OTOG: variants seen among roughly 807,000 people sequenced by gnomAD.
OTOG encodes otogelin.
In OTOG, 296 loss-of-function variants were observed where a neutral mutation model predicts 313.8. The observed-to-expected ratio is 0.94, with a 90% CI of 0.86 to 1.04. OTOG has a LOEUF of 1.04. Ranked by LOEUF, OTOG falls within the 50% of genes least tolerant of loss-of-function variation. The probability of loss-of-function intolerance (pLI) is 0.00; values close to 1 mark genes in which losing one functional copy is unlikely to be tolerated. For synonymous variants in OTOG, 1,533 were observed against 1,554.9 expected, an observed-to-expected ratio of 0.99 and a Z score of 0.33; for missense variants, 3,948 against 3,840.1, an observed-to-expected ratio of 1.03 and a Z score of -0.74.
intron 28 of OTOG, among the ~76,000 whole-genome samples, chr11:17,595,452 A>G (rs1853071396): frequency 6.6e-6 from 1 of 152,200 alleles, no homozygotes; most frequent in Non-Finnish European, 1.5e-5. Context: ...ACACACATGT[A>G]TTATTTCAGT....
At chr11:17,598,063 G>C (rs1853156497) in intron 30 of OTOG, among the ~76,000 whole-genome samples, 1 of 152,210 alleles carries the variant, frequency 6.6e-6, no homozygotes. Flanking sequence ...CCTGAGGCCT[G>C]CAGGCAAGAC....
intron 39 of OTOG, among the ~76,000 whole-genome samples, chr11:17,626,343 T>C (rs1415314323): frequency 1.3e-5 from 2 of 152,144 alleles, no homozygotes; most frequent in Admixed American, 6.5e-5. Context: ...ACCTGGCTAA[T>C]TTTTGTGTTT....
intron 39 of OTOG, among the ~76,000 whole-genome samples, chr11:17,622,112 G>A (rs569038591): frequency 9.2e-5 from 14 of 152,308 alleles, no homozygotes; most frequent in African/African-American, 3.1e-4. Flanking sequence ...GGCTAGGAGA[G>A]CCAGGGGCTT....
At chr11:17,629,933 C>T (rs1208152194) in intron 40 of OTOG, among the ~76,000 whole-genome samples, 1 of 152,114 alleles carries the variant, frequency 6.6e-6, no homozygotes, top group East Asian at 1.9e-4. Context: ...CACTCCGTGA[C>T]AGACTACCAT....
At chr11:17,552,105 G>T (rs1485850103) in intron 4 of OTOG, 30 bp downstream of exon 4, 26 of 1,545,178 alleles carry the variant, frequency 1.7e-5, no homozygotes, top group Non-Finnish European at 2.1e-5. Flanking sequence ...TGGTCCATGG[G>T]TTGTGCATGG....
At chr11:17,599,765 C>G in intron 31 of OTOG, 68 bp downstream of exon 31, 1 of 1,501,686 alleles carries the variant, frequency 6.7e-7, no homozygotes, top group East Asian at 2.5e-5. Context: ...TGACGCCACA[C>G]AGCATCAGCC....
At chr11:17,621,343 T>C (rs1365568729) in intron 39 of OTOG, among the ~76,000 whole-genome samples, 1 of 152,170 alleles carries the variant, frequency 6.6e-6, no homozygotes, top group Non-Finnish European at 1.5e-5. Flanking sequence ...TTATTCTTTA[T>C]CCTACATACC....
chr11:17,639,880 G>A lies in OTOG; in HGVS notation c.7935+417G>A, dbSNP rs1259724974. 9.5e-5 allele frequency among the ~76,000 whole-genome samples: 14 copies of A among 146,746 alleles called. 1 individual carries two copies. Among genetic ancestry groups the A allele is most frequent in the Admixed American group, 8.0e-4 (12 of 14,948 alleles). On this transcript the variant is annotated intron_variant, in intron 49 of 55. Transcript: ENST00000399397. ...GTGATAATGCAATGGTGATGGTGGT[G>A]GTGATGGTGAGGATGATGGTGGTGG...
At chr11:17,591,404 T>C in intron 24 of OTOG, 46 bp from the exon 25 acceptor site, 1 of 1,547,368 alleles carries the variant, frequency 6.5e-7, no homozygotes, top group Non-Finnish European at 8.7e-7. Flanking sequence ...TATTCAGGTA[T>C]GGGGTGGGTG....
chr11:17,560,705 C>G lies in OTOG; in HGVS notation c.1343-4C>G. 1 of 1,549,108 alleles carries G rather than the reference C, an allele frequency of 6.5e-7. No individual in the cohort carries two copies. The highest frequency in any genetic ancestry group is 8.7e-7 in the Non-Finnish European group (1 of 1,145,684). On this transcript the variant is annotated splice_region_variant and splice_polypyrimidine_tract_variant and intron_variant, in intron 12 of 55. Transcript: ENST00000399397. Reference sequence around the variant, plus strand: ...AGTTAATTGGCCCTTTGCTGTCACTCTAGGGCTCATCTTCGAGGATGGGGG... The same window carrying G: ...AGTTAATTGGCCCTTTGCTGTCACTGTAGGGCTCATCTTCGAGGATGGGGG...
At position 17,569,291 on chromosome 11, in the gene OTOG, A is replaced by G. The variant is rs766355490; in HGVS notation, c.1777+3A>G. The G allele has an allele frequency of 2.6e-5, 40 of 1,550,442 alleles. No individual in the cohort carries two copies. The highest frequency in any genetic ancestry group is 3.4e-5 in the Non-Finnish European group (39 of 1,146,978). On this transcript the variant is annotated splice_donor_region_variant and intron_variant, in intron 16 of 55. Transcript: ENST00000399397. ...GATCATCCCGCCATACACAGATGGT[A>G]CGGTTTGGGGTGGACAACAGACCTA...
In OTOG at chr11:17,631,883, C is replaced by G. The variant is rs1424572510; in HGVS notation, c.6894C>G (p.Arg2298=). 6.5e-7 allele frequency: 1 copy of G among 1,550,372 alleles called. No individual in the cohort carries two copies. Among genetic ancestry groups the G allele is most frequent in the African/African-American group, 1.4e-5 (1 of 73,076 alleles). Residue 2298 remains arginine (R), a synonymous_variant, in exon 41 of 56, where the codon CGC becomes CGG. Transcript: ENST00000399397. ...CATTDCSPCL[R]MVSNRTFSAC... ...CAACTGACTGCTCGCCCTGCCTTCG[C>G]ATGGTGTCCAACCGCACCTTCAGTG...
In OTOG at chr11:17,570,265, C is replaced by T. The variant is rs1354880626; in HGVS notation, c.1830C>T (p.Asn610=). ...LSSVFLRVRT[N]VGVRVLYDRE... ...CCGTGTTCCTGCGGGTGAGGACGAA[C>T]GTGGGCGTGCGGGTGCTCTACGACC... is the stretch of plus-strand genomic sequence containing the variant. Residue 610 remains asparagine, a synonymous_variant, in exon 17 of 56, where the codon AAC becomes AAT. Coordinates refer to ENST00000399397, the MANE Select transcript of OTOG (RefSeq NM_001292063.2). 5 of 1,550,712 alleles carry T rather than the reference C, an allele frequency of 3.2e-6. No homozygotes were observed. Among genetic ancestry groups the T allele is most frequent in the East Asian group, 2.4e-5 (1 of 40,926 alleles).
chr11:17,595,699 G>A (rs1411950835), intron 28 of OTOG, among the ~76,000 whole-genome samples: 1 of 152,184 alleles, frequency 6.6e-6, no homozygotes, highest in East Asian at 1.9e-4. Flanking sequence ...TCAGCTCCAA[G>A]AGACCACTGA....
chr11:17,621,683 G>C (rs992713247), intron 39 of OTOG, among the ~76,000 whole-genome samples: 1 of 151,960 alleles, frequency 6.6e-6, no homozygotes, highest in African/African-American at 2.4e-5. Context: ...TAAACTCTAG[G>C]AAACCACCAG....
intron 16 of OTOG, 129 bp downstream of exon 16, chr11:17,569,417 T>C: frequency 7.7e-7 from 1 of 1,300,308 alleles, no homozygotes; most frequent in Non-Finnish European, 1.0e-6. Context: ...TAGATCAGGA[T>C]AGGGGACACT....
chr11:17,552,117 A>G, intron 4 of OTOG, 42 bp downstream of exon 4: 1 of 1,535,192 alleles, frequency 6.5e-7, no homozygotes, highest in Admixed American at 2.0e-5. Flanking sequence ...TGTGCATGGG[A>G]GAGCCCTGGC....
intron 23 of OTOG, 70 bp downstream of exon 23, chr11:17,578,596 G>T (rs1178397787): frequency 1.1e-5 from 16 of 1,450,782 alleles, no homozygotes; most frequent in Non-Finnish European, 1.4e-5. Context: ...AGGGTGGAGT[G>T]GGGGCAGGGA....
rs560987450 is a variant in OTOG, at chr11:17,576,594, C to A, written c.2525C>A (p.Pro842His). Reference protein sequence around the residue: ...CSCHFQGVDYPPGDSDIPSLG... With the variant: ...CSCHFQGVDYHPGDSDIPSLG... ...TGCCACTTCCAGGGAGTGGACTATC[C>A]CCCCGGAGACAGTGACATCCCATCC... Residue 842 changes from proline (P) to histidine (H), a missense_variant, in exon 21 of 56, where the codon CCC (proline) becomes CAC (histidine). Transcript: ENST00000399397. 105 of 1,550,506 alleles carry A rather than the reference C, an allele frequency of 6.8e-5. 2 individuals carry two copies. In the South Asian group the frequency reaches 1.1e-3, roughly 16 times the overall value.
Sources: gnomAD v4.1 joint callset for allele counts (sites outside exome capture counted in the v4.1 genomes callset) on GRCh38, gnomAD v4.1.1 for gene constraint, MANE v1.5 for transcripts, NCBI Gene and HGNC (gene_info 2026-07-23, HGNC 2026-07-21) for gene names.